KCNH5: variants seen among roughly 807,000 people sequenced by gnomAD.
KCNH5 encodes potassium voltage-gated channel subfamily H member 5, also known as voltage-gated delayed rectifier potassium channel KCNH5.
KCNH5 carries 46 observed loss-of-function variants against 96.1 expected under a neutral mutation model. That is an observed-to-expected ratio of 0.48 (90% CI 0.38 to 0.61). The LOEUF is 0.61. KCNH5 is among the 20% of genes least tolerant of loss of function. The pLI is 0.00. For missense variants in KCNH5, 907 were observed against 1,225.8 expected, an observed-to-expected ratio of 0.74 and a Z score of 3.88; for synonymous variants, 439 against 449.8, an observed-to-expected ratio of 0.98 and a Z score of 0.30.
chr14:62,811,010 T>C (rs770615297), intron 8 of KCNH5, among the ~76,000 whole-genome samples: 54 of 152,140 alleles, frequency 3.5e-4, no homozygotes, highest in Admixed American at 2.0e-3. Context: ...TGGGTAAGTG[T>C]TGGGGTCCTG....
intron 4 of KCNH5, among the ~76,000 whole-genome samples, chr14:62,990,340 A>C (rs1463096818): frequency 6.6e-6 from 1 of 152,068 alleles, no homozygotes; most frequent in Non-Finnish European, 1.5e-5. Context: ...TTAAGGAGGA[A>C]GCAGTTGTTC....
At chr14:62,958,229 C>T (rs917088191) in intron 6 of KCNH5, among the ~76,000 whole-genome samples, 4 of 152,094 alleles carry the variant, frequency 2.6e-5, no homozygotes, top group African/African-American at 4.8e-5. Flanking sequence ...TGGATTGACG[C>T]CAACAAATAC....
intron 6 of KCNH5, among the ~76,000 whole-genome samples, chr14:62,974,175 G>T (rs1207378117): frequency 6.6e-6 from 1 of 152,148 alleles, no homozygotes; most frequent in African/African-American, 2.4e-5. Context: ...AGCAATGCAT[G>T]AGTTATCTTT....
chr14:62,713,443 G>A (rs970434162), intron 10 of KCNH5, among the ~76,000 whole-genome samples: 8 of 152,178 alleles, frequency 5.3e-5, no homozygotes, highest in African/African-American at 1.9e-4. Context: ...GTCATTGAAA[G>A]GTCTTGAATC....
intron 7 of KCNH5, among the ~76,000 whole-genome samples, chr14:62,909,926 T>C (rs1889117152): frequency 6.6e-6 from 1 of 152,274 alleles, no homozygotes; most frequent in East Asian, 1.9e-4. Flanking sequence ...TCATTTATTA[T>C]ATGTATTGGT....
At chr14:62,798,675 A>G (rs989549688) in intron 9 of KCNH5, among the ~76,000 whole-genome samples, 1 of 152,200 alleles carries the variant, frequency 6.6e-6, no homozygotes, top group African/African-American at 2.4e-5. Flanking sequence ...AAACATCTTG[A>G]AGCCATCCTC....
chr14:63,026,151 GGATATCC>G (rs1352646506), intron 1 of KCNH5, among the ~76,000 whole-genome samples: 1 of 151,984 alleles, frequency 6.6e-6, no homozygotes, highest in African/African-American at 2.4e-5. Context: ...TGGGAAAACT[GGATATCC>G]CACATCAGAA....
intron 10 of KCNH5, among the ~76,000 whole-genome samples, chr14:62,778,300 G>A (rs969920744): frequency 2.0e-5 from 3 of 151,970 alleles, no homozygotes; most frequent in Non-Finnish European, 4.4e-5. Flanking sequence ...GTATACACAA[G>A]TTTCAAATAA....
At chr14:63,033,006 A>C (rs1413354620) in intron 1 of KCNH5, among the ~76,000 whole-genome samples, 3 of 152,072 alleles carry the variant, frequency 2.0e-5, no homozygotes, top group African/African-American at 4.8e-5. Context: ...CCAATCCATT[A>C]CTAGATCCTA....
chr14:62,708,308 C>T lies in KCNH5; in HGVS notation c.2167G>A (p.Gly723Ser), dbSNP rs766112956. The change falls in exon 11 of 11, where the codon GGC becomes AGC. Residue 723 changes from glycine (G) to serine (S), a missense_variant. Gly to Ser is a moderately conservative substitution (Grantham distance 56). This residue lies in a region of KCNH5 where 362 missense variants were observed against 394.4 expected (regional missense o/e 0.92). Coordinates refer to ENST00000322893, the MANE Select transcript of KCNH5 (RefSeq NM_139318.5). ...FKQQKELRNQ[G>S]STQGDPERNQ... ...CTCTCAGGGTCACCCTGTGTTGAGCCCTGATTCCGCAGCTCCTTCTGCTGC... is the reference window on the plus strand; with the variant it reads ...CTCTCAGGGTCACCCTGTGTTGAGCTCTGATTCCGCAGCTCCTTCTGCTGC... 4 of 1,614,140 alleles carry T rather than the reference C, an allele frequency of 2.5e-6. No individual in the cohort carries two copies. The highest frequency in any genetic ancestry group is 3.4e-6 in the Non-Finnish European group (4 of 1,180,030).
chr14:62,863,999 T>C (rs1009046130), intron 7 of KCNH5, among the ~76,000 whole-genome samples: 2 of 152,180 alleles, frequency 1.3e-5, no homozygotes, highest in African/African-American at 4.8e-5. Flanking sequence ...TATCATTCCA[T>C]AGGTTACCAT....
chr14:62,723,592 C>T (rs1032864360), intron 10 of KCNH5, among the ~76,000 whole-genome samples: 1 of 152,064 alleles, frequency 6.6e-6, no homozygotes, highest in Non-Finnish European at 1.5e-5. Flanking sequence ...GGTTTCTGAC[C>T]CCACTCTTCA....
At chr14:62,832,190 A>G (rs968675764) in intron 8 of KCNH5, among the ~76,000 whole-genome samples, 11 of 152,180 alleles carry the variant, frequency 7.2e-5, no homozygotes, top group African/African-American at 2.7e-4. Context: ...TTTTAGCTAT[A>G]TAATACAGTA....
At chr14:62,732,618 C>A (rs1885074119) in intron 10 of KCNH5, among the ~76,000 whole-genome samples, 1 of 152,156 alleles carries the variant, frequency 6.6e-6, no homozygotes, top group African/African-American at 2.4e-5. Context: ...GAGCTACTCC[C>A]CACCCTTCCC....
intron 6 of KCNH5, among the ~76,000 whole-genome samples, chr14:62,965,837 T>C (rs1373519203): frequency 2.0e-5 from 3 of 152,198 alleles, no homozygotes; most frequent in Non-Finnish European, 4.4e-5. Context: ...ATAGGTAAGA[T>C]GTCATTAAAT....
chr14:62,993,563 T>C (rs370844742), intron 4 of KCNH5, among the ~76,000 whole-genome samples: 181 of 152,178 alleles, frequency 1.2e-3, no homozygotes, highest in African/African-American at 4.2e-3. Context: ...ATCATGTACT[T>C]TGAAGTAGAT....
At chr14:62,906,348 A>G (rs1368975959) in intron 7 of KCNH5, among the ~76,000 whole-genome samples, 2 of 152,158 alleles carry the variant, frequency 1.3e-5, no homozygotes, top group African/African-American at 4.8e-5. Context: ...GAAAAGGTTG[A>G]GCTGACCTTG....
chr14:62,737,118 A>C (rs1885175068), intron 10 of KCNH5, among the ~76,000 whole-genome samples: 1 of 152,106 alleles, frequency 6.6e-6, no homozygotes, highest in African/African-American at 2.4e-5. Context: ...ACCCTCCACA[A>C]ATGCTTGAAC....
chr14:62,945,676 T>G (rs775269812), intron 7 of KCNH5, among the ~76,000 whole-genome samples: 36 of 151,946 alleles, frequency 2.4e-4, no homozygotes, highest in Non-Finnish European at 4.4e-4. Flanking sequence ...CATTGAGGTG[T>G]TTTTTTATAG....
Sources: allele counts gnomAD v4.1 joint callset (sites outside exome capture counted in the v4.1 genomes callset), GRCh38; gene constraint gnomAD v4.1.1; regional missense constraint gnomAD v4.1.1; transcripts MANE v1.5; gene names NCBI Gene and HGNC (gene_info 2026-07-23, HGNC 2026-07-21).